SGO2: variants seen among roughly 807,000 people sequenced by gnomAD.
SGO2 encodes shugoshin 2.
SGO2 carries 68 observed loss-of-function variants against 99.5 expected under a neutral mutation model. That is an observed-to-expected ratio of 0.68 (90% CI 0.56 to 0.84). The LOEUF (loss-of-function observed/expected upper bound fraction) is 0.84, where lower values mean the gene tolerates loss of function less well. Ranked by LOEUF, SGO2 falls within the 40% of genes least tolerant of loss-of-function variation. The pLI is 0.00. For missense variants in SGO2, 1,350 were observed against 1,436.7 expected (o/e 0.94, Z 0.97); for synonymous variants, 457 against 487.1 (o/e 0.94, Z 0.81).
chr2:200,567,469 TTTC>T (rs890768637), intron 5 of SGO2, among the ~76,000 whole-genome samples: 4 of 152,232 alleles, frequency 2.6e-5, no homozygotes, highest in Admixed American at 2.6e-4. Flanking sequence ...TAACATAAAA[TTTC>T]TTATCACATG....
At chr2:200,542,927 G>T (rs1273891125) in intron 5 of SGO2, 4 of 226,394 alleles carry the variant, frequency 1.8e-5, no homozygotes, top group Non-Finnish European at 3.5e-5. Flanking sequence ...TTCACTCCTG[G>T]CCTTATATTG....
chr2:200,542,486 A>G, intron 4 of SGO2, 93 bp from the exon 5 acceptor site: 1 of 861,224 alleles, frequency 1.2e-6, no homozygotes, highest in Admixed American at 2.7e-5. Flanking sequence ...TTGTTCTTTT[A>G]CTATTAATGT....
At chr2:200,554,147 T>A (rs1168264507) in intron 5 of SGO2, among the ~76,000 whole-genome samples, 1 of 152,102 alleles carries the variant, frequency 6.6e-6, no homozygotes, top group Non-Finnish European at 1.5e-5. Context: ...TCTAGAGAAA[T>A]CAGGTAGAGA....
chr2:200,552,466 G>A (rs1016997574), intron 5 of SGO2, among the ~76,000 whole-genome samples: 18 of 152,168 alleles, frequency 1.2e-4, no homozygotes, highest in African/African-American at 4.3e-4. Context: ...AGTGGTATGG[G>A]CTGTTCAACC....
At chr2:200,560,259 A>G (rs2032887035) in intron 5 of SGO2, among the ~76,000 whole-genome samples, 1 of 152,166 alleles carries the variant, frequency 6.6e-6, no homozygotes, top group Admixed American at 6.5e-5. Context: ...TCTGATTTCT[A>G]GCAATGGTTC....
rs2033497409 is a variant in SGO2, at chr2:200,572,841, G to A, written c.2495G>A (p.Gly832Asp). ...CAAATATATGAGAATGATAACAAAG[G>A]TGTACATGACCTAGAAAAAGATAAC... ...TNQIYENDNK[G>D]VHDLEKDNFF... The change falls in exon 7 of 9, where the codon GGT becomes GAT. Residue 832 changes from glycine (G) to aspartate (D), a missense_variant. Transcript: ENST00000357799. 5 of 1,606,710 alleles carry A rather than the reference G, an allele frequency of 3.1e-6. No homozygotes were observed. Among genetic ancestry groups the A allele is most frequent in the Non-Finnish European group, 4.2e-6 (5 of 1,177,816 alleles).
In SGO2 at chr2:200,573,215, A is replaced by G. The variant is rs1490472332; in HGVS notation, c.2869A>G (p.Ile957Val). 2 of 1,578,352 alleles carry G rather than the reference A, an allele frequency of 1.3e-6. No individual in the cohort carries two copies. The highest frequency in any genetic ancestry group is 2.2e-5 in the East Asian group (1 of 44,626). The change falls in exon 7 of 9, where the codon ATT becomes GTT. Residue 957 changes from isoleucine to valine, a missense_variant. Physicochemically the swap from Ile to Val is conservative, Grantham distance 29 (BLOSUM62 3). Coordinates refer to ENST00000357799, the MANE Select transcript of SGO2 (RefSeq NM_152524.6). ...KSKQKLECQD[I>V]INKHYMEVNS... The stretch of plus-strand genomic sequence containing the variant: ...TAAACAAAAACTTGAATGCCAAGAC[A>G]TTATCAATAAACACTATATGGAAGT...
chr2:200,573,087 C>A lies in SGO2; in HGVS notation c.2741C>A (p.Thr914Lys). 2 of 1,576,550 alleles carry A rather than the reference C, an allele frequency of 1.3e-6. No individual in the cohort carries two copies. The highest frequency in any genetic ancestry group is 2.3e-5 in the East Asian group (1 of 44,262). The stretch of plus-strand genomic sequence containing the variant: ...CTCAGGAATAAAGTGAATTGGAAGA[C>A]AGAAATAATTTCTGAAATGAACCAG... ...NKLRNKVNWKTEIISEMNQIY... is the reference protein window; with the variant it reads ...NKLRNKVNWKKEIISEMNQIY... The change falls in exon 7 of 9, where the codon ACA becomes AAA. Residue 914 changes from threonine to lysine, a missense_variant. Coordinates refer to ENST00000357799, the MANE Select transcript of SGO2 (RefSeq NM_152524.6).
chr2:200,532,582 A>G (rs1191882589), intron 1 of SGO2, among the ~76,000 whole-genome samples: 1 of 151,734 alleles, frequency 6.6e-6, no homozygotes, highest in African/African-American at 2.4e-5. Context: ...CCCCTTCCCC[A>G]CCTTGGATTG....
Position 200,570,057 on chromosome 2 carries a change from A to G in SGO2, c.703+165A>G. On this transcript the variant is annotated intron_variant, in intron 6 of 8. Transcript: ENST00000357799. The surrounding 1 kb of genome is among the most constrained non-coding windows in gnomAD (Gnocchi z 4.4). ...CTGCTGGTGATAGATTTAATTTTAA[A>G]GTAAATATGCTGACAAACATCACAC... is the stretch of plus-strand genomic sequence containing the variant. 2 of 571,502 alleles carry G rather than the reference A, an allele frequency of 3.5e-6. No individual in the cohort carries two copies. The highest frequency in any genetic ancestry group is 4.8e-5 in the South Asian group (2 of 41,422). 35.4% of individuals were successfully genotyped at this position (571,502 alleles called of 1,614,324 possible).
chr2:200,540,660 C>T (rs1438851172), intron 4 of SGO2, among the ~76,000 whole-genome samples: 2 of 152,194 alleles, frequency 1.3e-5, no homozygotes, highest in Non-Finnish European at 1.5e-5. Context: ...GAGGGGAACT[C>T]CTTCTTATCA....
chr2:200,583,714 GCTT>G lies in SGO2; in HGVS notation c.*254_*256del, dbSNP rs1238070982. 3.5e-6 allele frequency: 1 copy of G among 284,244 alleles called. No individual in the cohort carries two copies. The highest frequency in any genetic ancestry group is 6.5e-6 in the Non-Finnish European group (1 of 153,650). 17.6% of individuals were successfully genotyped at this position (284,244 alleles called of 1,614,324 possible). A position where few individuals can be genotyped will look rare whatever the true frequency, so the allele number is the denominator to read the frequency against. Reference sequence around the variant, plus strand: ...ATAACTTACCTTCCTGTTTATTTAAGCTTCTTTTTACCTAGTAGCCTTTAACCA... The same window carrying G: ...ATAACTTACCTTCCTGTTTATTTAAGCTTTTTACCTAGTAGCCTTTAACCA... On this transcript the variant is annotated 3_prime_UTR_variant, in exon 9 of 9. Transcript: ENST00000357799.
chr2:200,529,248 T>C (rs2031248704), intron 1 of SGO2, among the ~76,000 whole-genome samples: 1 of 152,262 alleles, frequency 6.6e-6, no homozygotes, highest in Admixed American at 6.5e-5. Flanking sequence ...TCTTTCTTCC[T>C]GGAATGCCCT....
Position 200,573,363 on chromosome 2 carries a change from C to T in SGO2, c.3017C>T (p.Ala1006Val), listed in dbSNP as rs115050184. 1,714 of 1,602,932 alleles carry T rather than the reference C, an allele frequency of 1.1e-3. 8 individuals carry two copies. The highest frequency in any genetic ancestry group is 7.2e-3 in the Middle Eastern group (43 of 5,984). ...NILTKAKNKLASQLTESSQTS... is the reference protein window; with the variant it reads ...NILTKAKNKLVSQLTESSQTS... ...TTGACAAAAGCTAAGAACAAACTTG[C>T]TTCACAGTTAACAGAATCTTCACAG... The change falls in exon 7 of 9, where the codon GCT becomes GTT. Residue 1006 changes from alanine to valine, a missense_variant. By Grantham distance (64) the Ala-to-Val change is moderately conservative (BLOSUM62 0). Transcript: ENST00000357799.
chr2:200,581,313 T>C (rs1050273137), intron 8 of SGO2, among the ~76,000 whole-genome samples: 1 of 152,172 alleles, frequency 6.6e-6, no homozygotes, highest in African/African-American at 2.4e-5. Flanking sequence ...TACTAAGAGT[T>C]GTATATTAAA....
rs2033548243 is a variant in SGO2, at chr2:200,573,755, A to G, written c.3409A>G (p.Arg1137Gly). Residue 1137 changes from arginine to glycine, a missense_variant, in exon 7 of 9, where the codon AGA becomes GGA. Physicochemically the swap from Arg to Gly is moderately radical, Grantham distance 125. Transcript: ENST00000357799. Reference protein sequence around the residue: ...NKPDFYTKAFRSLSEIHSPNI... With the variant: ...NKPDFYTKAFGSLSEIHSPNI... ...GCCAGACTTTTACACAAAGGCATTT[A>G]GATCTTTGTCTGAGATACATTCACC... The G allele has an allele frequency of 6.2e-7, 1 of 1,611,794 alleles. No individual in the cohort carries two copies. The highest frequency in any genetic ancestry group is 1.3e-5 in the African/African-American group (1 of 74,800).
intron 5 of SGO2, among the ~76,000 whole-genome samples, chr2:200,558,407 T>C (rs2032807646): frequency 6.6e-6 from 1 of 152,112 alleles, no homozygotes; most frequent in Non-Finnish European, 1.5e-5. Context: ...TTTTCTTTTT[T>C]CTATTAATGT....
intron 5 of SGO2, among the ~76,000 whole-genome samples, chr2:200,551,179 C>T (rs959199478): frequency 6.6e-6 from 1 of 152,120 alleles, no homozygotes; most frequent in Non-Finnish European, 1.5e-5. Context: ...TGTCTGCACT[C>T]CCATGTTTAT....
In SGO2 at chr2:200,526,599, G is replaced by C; in HGVS notation, c.-3+347G>C. ...CTAGGGCATTGTGAGCGCTCAGTAC[G>C]TGTCTGCGGAATGAATGTTAGGGAC... On this transcript the variant is annotated intron_variant, in intron 1 of 8. Transcript: ENST00000357799. This position sits in a 1 kb window ranked among gnomAD's most constrained non-coding sequence, Gnocchi z 4.8. Among the ~76,000 whole-genome samples, 1 of 152,140 alleles carries C rather than the reference G, an allele frequency of 6.6e-6. No individual in the cohort carries two copies. Among genetic ancestry groups the C allele is most frequent in the East Asian group, 1.9e-4 (1 of 5,194 alleles).
Sources: gnomAD v4.1 joint callset for allele counts (sites outside exome capture counted in the v4.1 genomes callset) on GRCh38, gnomAD v4.1.1 for gene constraint, Gnocchi (gnomAD v3.1) non-coding constraint, MANE v1.5 for transcripts, NCBI Gene and HGNC (gene_info 2026-07-23, HGNC 2026-07-21) for gene names.